The following RYR3 variants were observed in gnomAD, a reference collection of about 807,000 sequenced individuals.
The protein encoded by RYR3 is ryanodine receptor 3.
A neutral mutation model predicts 584.3 loss-of-function variants in RYR3; 207 were observed. That is an observed-to-expected ratio of 0.35 (90% confidence interval 0.32 to 0.40). The LOEUF is 0.40. Ranked by LOEUF, RYR3 falls within the 10% of genes least tolerant of loss-of-function variation. The pLI, the probability that RYR3 is intolerant of heterozygous loss-of-function variation, is 1.00. For missense variants in RYR3, 5,616 were observed against 6,089.2 expected (o/e 0.92, Z 2.59); for synonymous variants, 2,416 against 2,248.5 (o/e 1.07, Z -2.11).
chr15:33,553,498 C>G (rs2056840070), intron 10 of RYR3, among the ~76,000 whole-genome samples: 1 of 152,086 alleles, frequency 6.6e-6, no homozygotes, highest in African/African-American at 2.4e-5. Flanking sequence ...GAAAGGTGAC[C>G]AAGTCCAAGA....
intron 8 of RYR3, 57 bp downstream of exon 8, chr15:33,543,772 T>C: frequency 9.1e-7 from 1 of 1,102,196 alleles, no homozygotes; most frequent in Non-Finnish European, 1.4e-6. Flanking sequence ...TGACTCAAAC[T>C]AAAGAGTTTA....
intron 16 of RYR3, among the ~76,000 whole-genome samples, chr15:33,591,582 A>G (rs914327898): frequency 6.6e-6 from 1 of 152,244 alleles, no homozygotes; most frequent in East Asian, 1.9e-4. Flanking sequence ...TGAAAATTCT[A>G]ACAGTCACTG....
intron 43 of RYR3, 141 bp downstream of exon 43, chr15:33,707,195 C>G (rs1218918909): frequency 3.1e-6 from 3 of 971,272 alleles, no homozygotes; most frequent in African/African-American, 3.3e-5. Context: ...TAGGGAGAAT[C>G]ACAGGTGTTT....
chr15:33,565,720 ACT>A (rs2057679137), intron 11 of RYR3, among the ~76,000 whole-genome samples: 1 of 152,160 alleles, frequency 6.6e-6, no homozygotes, highest in South Asian at 2.1e-4. Context: ...CCAGGATCAA[ACT>A]AACCTTGACT....
intron 38 of RYR3, among the ~76,000 whole-genome samples, chr15:33,688,093 C>G (rs1412020318): frequency 6.6e-6 from 1 of 152,108 alleles, no homozygotes; most frequent in African/African-American, 2.4e-5. Context: ...AGCTTCTGCA[C>G]AGCAAAAGAA....
intron 16 of RYR3, among the ~76,000 whole-genome samples, chr15:33,599,007 A>T (rs2059532511): frequency 1.3e-5 from 2 of 151,986 alleles, no homozygotes; most frequent in South Asian, 4.2e-4. Context: ...GTGAGCAGAG[A>T]TCGAGCCACC....
At chr15:33,566,943 C>A in intron 12 of RYR3, 144 bp downstream of exon 12, 1 of 964,202 alleles carries the variant, frequency 1.0e-6, no homozygotes, top group Non-Finnish European at 1.6e-6. Context: ...GAGCTTGAGA[C>A]TGAAACATAT....
At chr15:33,739,351 T>C (rs2069832590) in intron 50 of RYR3, among the ~76,000 whole-genome samples, 1 of 152,206 alleles carries the variant, frequency 6.6e-6, no homozygotes, top group South Asian at 2.1e-4. Flanking sequence ...AATTCATTTC[T>C]GGCTGGGTTC....
chr15:33,797,172 C>T (rs559872909), intron 67 of RYR3, among the ~76,000 whole-genome samples: 2 of 152,194 alleles, frequency 1.3e-5, no homozygotes, highest in South Asian at 2.1e-4. Context: ...AGTGACGTGC[C>T]ATCTCCTCCA....
At chr15:33,650,934 T>G (rs555261291) in intron 31 of RYR3, among the ~76,000 whole-genome samples, 1 of 152,360 alleles carries the variant, frequency 6.6e-6, no homozygotes, top group Admixed American at 6.5e-5. Context: ...TGGTTTAGAT[T>G]GGAAAGGAAA....
chr15:33,679,568 A>T (rs2064436268), intron 38 of RYR3, among the ~76,000 whole-genome samples: 2 of 152,150 alleles, frequency 1.3e-5, no homozygotes, highest in African/African-American at 4.8e-5. Flanking sequence ...GGTCAGATAG[A>T]AATAGAACCA....
intron 1 of RYR3, among the ~76,000 whole-genome samples, chr15:33,348,841 G>A (rs1222325930): frequency 6.6e-6 from 1 of 151,912 alleles, no homozygotes; most frequent in African/African-American, 2.4e-5. Context: ...GGCGAGTTTT[G>A]CCAGATGTGT....
At chr15:33,707,078 C>G (rs760884429) in intron 43 of RYR3, 24 bp downstream of exon 43, 1 of 1,613,098 alleles carries the variant, frequency 6.2e-7, no homozygotes, top group Admixed American at 1.7e-5. Flanking sequence ...TTTTCCATAC[C>G]TCTTATACCC....
chr15:33,468,815 G>A (rs1041002284), intron 1 of RYR3, among the ~76,000 whole-genome samples: 1 of 152,172 alleles, frequency 6.6e-6, no homozygotes, highest in African/African-American at 2.4e-5. Context: ...TGCCTTTGAG[G>A]GGTACAAAGT....
rs78271569 is a variant in RYR3 at position 33,632,285 on chromosome 15, A to G, written c.2868-664A>G. 3.6e-3 allele frequency among the ~76,000 whole-genome samples: 546 copies of G among 152,268 alleles called. 4 individuals are homozygous for G. Among genetic ancestry groups the G allele is most frequent in the African/African-American group, 0.013 (526 of 41,564 alleles). On this transcript the variant is annotated intron_variant, in intron 23 of 103. Transcript: ENST00000634891. ...CTCATATTCCCACATGGCCATGACAATCTGCTTTCCTAAGGTTTCACTCCG... is the reference window on the plus strand; with the variant it reads ...CTCATATTCCCACATGGCCATGACAGTCTGCTTTCCTAAGGTTTCACTCCG...
chr15:33,526,611 G>A (rs191779533), intron 3 of RYR3, among the ~76,000 whole-genome samples: 3 of 150,206 alleles, frequency 2.0e-5, no homozygotes, highest in Admixed American at 6.7e-5. Context: ...TGACAAGCTC[G>A]TCATGGGAAT....
intron 1 of RYR3, among the ~76,000 whole-genome samples, chr15:33,349,709 G>T (rs1595809354): frequency 6.8e-6 from 1 of 146,714 alleles, no homozygotes; most frequent in Non-Finnish European, 1.5e-5. Flanking sequence ...TCGTCATCTA[G>T]CATTAGGTAT....
chr15:33,662,960 G>T lies in RYR3; in HGVS notation c.5418+12G>T. ...CCGTCAAGCTGCAGGTAAGCTGCAGGTGGTTAAGTGGAGGCAGGTTAATAG... is the reference window on the plus strand; with the variant it reads ...CCGTCAAGCTGCAGGTAAGCTGCAGTTGGTTAAGTGGAGGCAGGTTAATAG... On this transcript the variant is annotated intron_variant, in intron 35 of 103. Transcript: ENST00000634891. 6.2e-7 allele frequency: 1 copy of T among 1,605,348 alleles called. No homozygotes were observed. The highest frequency in any genetic ancestry group is 8.5e-7 in the Non-Finnish European group (1 of 1,175,214).
chr15:33,402,343 G>A (rs959127117), intron 1 of RYR3, among the ~76,000 whole-genome samples: 6 of 152,096 alleles, frequency 3.9e-5, no homozygotes, highest in African/African-American at 1.4e-4. Context: ...CAGCTGAAGC[G>A]GCATGGTTAG....
Sources: allele counts gnomAD v4.1 joint callset (sites outside exome capture counted in the v4.1 genomes callset), GRCh38; gene constraint gnomAD v4.1.1; transcripts MANE v1.5; gene names NCBI Gene and HGNC (gene_info 2026-07-23, HGNC 2026-07-21).